SLC16A10: variants seen among roughly 807,000 people sequenced by gnomAD.
The protein encoded by SLC16A10 is solute carrier family 16 member 10, also known as monocarboxylate transporter 10.
A neutral mutation model predicts 40.0 loss-of-function variants in SLC16A10; 27 were observed. That is an observed-to-expected ratio of 0.67 (90% CI 0.50 to 0.93). SLC16A10 has a LOEUF of 0.93. SLC16A10 is among the 40% of genes least tolerant of loss of function. The pLI is 0.00. For synonymous variants in SLC16A10, 213 were observed against 249.8 expected (o/e 0.85, Z 1.39); for missense variants, 529 against 658.2 (o/e 0.80, Z 2.15).
intron 1 of SLC16A10, among the ~76,000 whole-genome samples, chr6:111,149,936 A>G (rs1772144038): frequency 6.6e-6 from 1 of 152,022 alleles, no homozygotes; most frequent in African/African-American, 2.4e-5. Context: ...ACCACCCATT[A>G]CTTTGTGTGA....
chr6:111,133,840 G>A (rs569816138), intron 1 of SLC16A10, among the ~76,000 whole-genome samples: 13 of 152,220 alleles, frequency 8.5e-5, no homozygotes, highest in African/African-American at 2.4e-4. Context: ...CCCTCCAAGC[G>A]GTGGGAGAAG....
At chr6:111,154,885 G>A (rs1011900761) in intron 1 of SLC16A10, among the ~76,000 whole-genome samples, 4 of 152,078 alleles carry the variant, frequency 2.6e-5, no homozygotes, top group South Asian at 2.1e-4. Flanking sequence ...TTAGCTGGGC[G>A]TGGTGGCAGT....
intron 1 of SLC16A10, among the ~76,000 whole-genome samples, chr6:111,148,601 A>G (rs556649306): frequency 6.6e-6 from 1 of 152,326 alleles, no homozygotes; most frequent in African/African-American, 2.4e-5. Context: ...TTTGTGCATG[A>G]CAACTTTAGG....
intron 1 of SLC16A10, among the ~76,000 whole-genome samples, chr6:111,131,508 C>T (rs941655540): frequency 1.7e-4 from 26 of 152,164 alleles, no homozygotes; most frequent in Admixed American, 7.2e-4. Flanking sequence ...ACTTCCAAAG[C>T]GGTGAGTAAT....
chr6:111,112,263 A>G (rs951749171), intron 1 of SLC16A10, among the ~76,000 whole-genome samples: 2 of 152,038 alleles, frequency 1.3e-5, no homozygotes, highest in Non-Finnish European at 2.9e-5. Context: ...TCAAACCTCT[A>G]GGCTCAAGCA....
At chr6:111,103,502 G>A (rs1442962951) in intron 1 of SLC16A10, among the ~76,000 whole-genome samples, 2 of 152,152 alleles carry the variant, frequency 1.3e-5, no homozygotes, top group Non-Finnish European at 2.9e-5. Context: ...ATAGATGTGA[G>A]CCACCATGTC....
At chr6:111,099,453 C>T (rs1276756953) in intron 1 of SLC16A10, among the ~76,000 whole-genome samples, 1 of 152,044 alleles carries the variant, frequency 6.6e-6, no homozygotes, top group Non-Finnish European at 1.5e-5. Context: ...GCTGGGACCA[C>T]AGGCATGTGC....
At chr6:111,173,940 G>A (rs1772632620) in intron 2 of SLC16A10, among the ~76,000 whole-genome samples, 1 of 152,150 alleles carries the variant, frequency 6.6e-6, no homozygotes, top group Non-Finnish European at 1.5e-5. Context: ...ACTGGTCTCT[G>A]GTGCCAAAAA....
At chr6:111,200,596 AAAAC>A (rs1049939507) in intron 3 of SLC16A10, among the ~76,000 whole-genome samples, 3 of 152,208 alleles carry the variant, frequency 2.0e-5, no homozygotes, top group African/African-American at 7.2e-5. Flanking sequence ...AAGAAAGAAA[AAAAC>A]AAAATAAACT....
At chr6:111,089,850 T>C (rs982230729) in intron 1 of SLC16A10, among the ~76,000 whole-genome samples, 2 of 151,720 alleles carry the variant, frequency 1.3e-5, no homozygotes, top group African/African-American at 2.4e-5. Context: ...CAGCAGTCTT[T>C]TGTTTATCAT....
In SLC16A10 at chr6:111,087,941, A is replaced by G; in HGVS notation, c.189A>G (p.Glu63=). ...PATAEPHEPP[E]PPEGGWGWLV... is the part of the protein sequence containing the mutation. Reference sequence around the variant, plus strand: ...CCGCGGAGCCCCATGAGCCCCCCGAACCCCCCGAGGGCGGCTGGGGCTGGC... The same window carrying G: ...CCGCGGAGCCCCATGAGCCCCCCGAGCCCCCCGAGGGCGGCTGGGGCTGGC... Residue 63 remains glutamate (E), a synonymous_variant, in exon 1 of 6, where the codon GAA becomes GAG. Coordinates refer to ENST00000368851, the MANE Select transcript of SLC16A10 (RefSeq NM_018593.5). The G allele has an allele frequency of 1.2e-6, 2 of 1,607,142 alleles. No individual in the cohort carries two copies. The highest frequency in any genetic ancestry group is 8.5e-7 in the Non-Finnish European group (1 of 1,177,634).
intron 3 of SLC16A10, among the ~76,000 whole-genome samples, chr6:111,191,477 CAT>C (rs1488806276): frequency 3.3e-5 from 5 of 152,170 alleles, no homozygotes. Context: ...CTGCAATAAA[CAT>C]ATGTGTGCAT....
chr6:111,127,313 C>G (rs985112034), intron 1 of SLC16A10, among the ~76,000 whole-genome samples: 3 of 152,156 alleles, frequency 2.0e-5, no homozygotes, highest in African/African-American at 7.2e-5. Flanking sequence ...GATCTGAGAC[C>G]TGAGTGACCA....
intron 3 of SLC16A10, among the ~76,000 whole-genome samples, chr6:111,206,081 CTTT>C (rs200318165): frequency 2.1e-5 from 3 of 142,988 alleles, no homozygotes. Flanking sequence ...TATAAACATG[CTTT>C]TTTTTTTTTT....
intron 1 of SLC16A10, among the ~76,000 whole-genome samples, chr6:111,101,767 T>C (rs578074580): frequency 6.6e-6 from 1 of 151,978 alleles, no homozygotes; most frequent in African/African-American, 2.4e-5. Context: ...ACTACAGGAG[T>C]GTGCCAACAT....
chr6:111,117,957 T>G (rs1417964127), intron 1 of SLC16A10, among the ~76,000 whole-genome samples: 3 of 152,174 alleles, frequency 2.0e-5, no homozygotes, highest in Non-Finnish European at 4.4e-5. Context: ...ATACTGACAT[T>G]TTAGAGGCTG....
chr6:111,125,468 G>A (rs563449490), intron 1 of SLC16A10, among the ~76,000 whole-genome samples: 131 of 152,062 alleles, frequency 8.6e-4, no homozygotes, highest in African/African-American at 3.0e-3. Context: ...AACGATTAAG[G>A]CTCATTGAAA....
intron 1 of SLC16A10, among the ~76,000 whole-genome samples, chr6:111,092,146 G>C (rs1246330446): frequency 6.6e-6 from 1 of 151,992 alleles, no homozygotes; most frequent in Admixed American, 6.6e-5. Context: ...TTTGGAAAGG[G>C]GAAGTAAGCC....
At chr6:111,182,745 A>C (rs914960370) in intron 3 of SLC16A10, among the ~76,000 whole-genome samples, 1 of 152,058 alleles carries the variant, frequency 6.6e-6, no homozygotes, top group Non-Finnish European at 1.5e-5. Flanking sequence ...AGCCATCCTC[A>C]TCTCAGGAGC....
Sources: allele counts gnomAD v4.1 joint callset (sites outside exome capture counted in the v4.1 genomes callset), GRCh38; gene constraint gnomAD v4.1.1; transcripts MANE v1.5; gene names NCBI Gene and HGNC (gene_info 2026-07-23, HGNC 2026-07-21).